NHEJ1: variants seen among roughly 807,000 people sequenced by gnomAD.
NHEJ1 encodes non-homologous end-joining factor 1.
A neutral mutation model predicts 39.4 loss-of-function variants in NHEJ1; 22 were observed. The ratio of observed to expected loss-of-function variants is 0.56; its 90% confidence interval spans 0.40 to 0.80. NHEJ1 has a LOEUF of 0.80. Ranked by LOEUF, NHEJ1 falls within the 30% of genes least tolerant of loss-of-function variation. The pLI is 0.00. For synonymous variants in NHEJ1, 154 were observed against 135.6 expected (o/e 1.14, Z -0.94); for missense variants, 329 against 357.1 (o/e 0.92, Z 0.63).
At chr2:219,154,644 G>A (rs145629590) in intron 3 of NHEJ1, among the ~76,000 whole-genome samples, 137 of 152,022 alleles carry the variant, frequency 9.0e-4, no homozygotes, top group African/African-American at 3.0e-3. Context: ...AGGTTCAGGC[G>A]TTTCCCTAGG....
chr2:219,128,592 A>T (rs1372147872), intron 5 of NHEJ1, among the ~76,000 whole-genome samples: 1 of 152,088 alleles, frequency 6.6e-6, no homozygotes, highest in African/African-American at 2.4e-5. Flanking sequence ...TCAGGCAATA[A>T]CAAACTCAGC....
intron 3 of NHEJ1, among the ~76,000 whole-genome samples, chr2:219,154,994 T>C (rs1269912428): frequency 6.8e-6 from 1 of 148,004 alleles, no homozygotes; most frequent in African/African-American, 2.5e-5. Flanking sequence ...TATATTAATC[T>C]ATAATATAGA....
intron 5 of NHEJ1, among the ~76,000 whole-genome samples, chr2:219,109,698 T>C (rs557369445): frequency 6.6e-6 from 1 of 152,162 alleles, no homozygotes; most frequent in East Asian, 1.9e-4. Flanking sequence ...TGGGAGTATA[T>C]ATGAGGTAGG....
intron 1 of NHEJ1, chr2:219,159,302 G>A (rs1291577209): frequency 6.6e-6 from 1 of 151,932 alleles, no homozygotes; most frequent in Admixed American, 6.6e-5. Flanking sequence ...CAGAACTACG[G>A]CTGCTTGACA....
At chr2:219,114,868 G>A (rs897896291) in intron 5 of NHEJ1, among the ~76,000 whole-genome samples, 25 of 152,126 alleles carry the variant, frequency 1.6e-4, no homozygotes, top group Admixed American at 9.8e-4. Flanking sequence ...CATTGCTACC[G>A]GGTACCAGTG....
chr2:219,077,881 A>G (rs1266807271), intron 6 of NHEJ1, among the ~76,000 whole-genome samples: 1 of 152,196 alleles, frequency 6.6e-6, no homozygotes, highest in Non-Finnish European at 1.5e-5. Context: ...CTGTGTCTGC[A>G]TTAACTTGGT....
intron 6 of NHEJ1, 75 bp from the exon 7 acceptor site, chr2:219,077,439 G>A (rs913534568): frequency 8.6e-7 from 1 of 1,157,738 alleles, no homozygotes; most frequent in Non-Finnish European, 1.3e-6. Context: ...CATTCACCAA[G>A]CATTCTGATA....
intron 5 of NHEJ1, among the ~76,000 whole-genome samples, chr2:219,132,864 T>C (rs1199180810): frequency 6.6e-6 from 1 of 152,230 alleles, no homozygotes; most frequent in African/African-American, 2.4e-5. Flanking sequence ...ATATTCTTTG[T>C]AGATATGTAA....
At chr2:219,124,127 A>G (rs1052500826) in intron 5 of NHEJ1, among the ~76,000 whole-genome samples, 1 of 152,172 alleles carries the variant, frequency 6.6e-6, no homozygotes, top group Non-Finnish European at 1.5e-5. Flanking sequence ...AACCTAGATC[A>G]GCATGGCTTA....
At chr2:219,078,337 C>T (rs1022333520) in intron 5 of NHEJ1, 131 bp from the exon 6 acceptor site, 1 of 799,040 alleles carries the variant, frequency 1.3e-6, no homozygotes, top group Non-Finnish European at 2.2e-6. Flanking sequence ...TAGGGGGCGA[C>T]CATATCCAAG....
At chr2:219,078,034 A>G in intron 6 of NHEJ1, 55 bp downstream of exon 6, 5 of 1,200,360 alleles carry the variant, frequency 4.2e-6, no homozygotes, top group Non-Finnish European at 6.2e-6. Context: ...TGGACAGCAT[A>G]AACCTAGATC....
At chr2:219,087,998 T>C (rs1949127728) in intron 5 of NHEJ1, among the ~76,000 whole-genome samples, 1 of 152,184 alleles carries the variant, frequency 6.6e-6, no homozygotes, top group Non-Finnish European at 1.5e-5. Context: ...CAGAATCTCA[T>C]TGAGAAAATT....
At chr2:219,151,468 A>G (rs1348612152) in intron 3 of NHEJ1, among the ~76,000 whole-genome samples, 1 of 152,254 alleles carries the variant, frequency 6.6e-6, no homozygotes, top group Non-Finnish European at 1.5e-5. Context: ...GAAATTATCT[A>G]TCAGACCCCA....
At chr2:219,090,608 G>C (rs1323203603) in intron 5 of NHEJ1, among the ~76,000 whole-genome samples, 1 of 152,136 alleles carries the variant, frequency 6.6e-6, no homozygotes, top group African/African-American at 2.4e-5. Context: ...CCACACACGG[G>C]AGCCTTTGAT....
intron 5 of NHEJ1, among the ~76,000 whole-genome samples, chr2:219,120,544 T>C (rs1574724295): frequency 1.3e-5 from 2 of 152,334 alleles, no homozygotes; most frequent in East Asian, 3.9e-4. Flanking sequence ...ACCCCATTCC[T>C]GGACCTAACT....
chr2:219,115,076 C>G (rs945261608), intron 5 of NHEJ1, among the ~76,000 whole-genome samples: 3 of 151,952 alleles, frequency 2.0e-5, no homozygotes, highest in Admixed American at 1.3e-4. Context: ...ACCCGGTCTT[C>G]TAGGAGGTTG....
intron 1 of NHEJ1, 43 bp from the exon 2 acceptor site, chr2:219,158,405 C>G: frequency 6.2e-7 from 1 of 1,601,466 alleles, no homozygotes; most frequent in Non-Finnish European, 8.5e-7. Flanking sequence ...CAGGGTCATG[C>G]TGGCCTAGGG....
chr2:219,114,119 C>T (rs1178608397), intron 5 of NHEJ1, among the ~76,000 whole-genome samples: 2 of 152,208 alleles, frequency 1.3e-5, no homozygotes, highest in South Asian at 4.1e-4. Flanking sequence ...AACACACACA[C>T]ACAAGCCCAC....
At chr2:219,125,897 G>C (rs1423161671) in intron 5 of NHEJ1, among the ~76,000 whole-genome samples, 1 of 152,200 alleles carries the variant, frequency 6.6e-6, no homozygotes. Context: ...AGTTGGAAGA[G>C]TGCCAGCAAG....
Sources: allele counts gnomAD v4.1 joint callset (sites outside exome capture counted in the v4.1 genomes callset), GRCh38; gene constraint gnomAD v4.1.1; transcripts MANE v1.5; gene names NCBI Gene and HGNC (gene_info 2026-07-23, HGNC 2026-07-21).